RARB: variants seen among roughly 807,000 people sequenced by gnomAD.
RARB encodes the protein HBV-activated protein.
In RARB, 17 loss-of-function variants were observed where a neutral mutation model predicts 51.9. The ratio of observed to expected loss-of-function variants is 0.33; its 90% CI spans 0.22 to 0.49. The LOEUF is 0.49. RARB is among the 20% of genes least tolerant of loss of function. The probability of loss-of-function intolerance (pLI) is 0.99; values close to 1 mark genes in which losing one functional copy is unlikely to be tolerated. For synonymous variants in RARB, 215 were observed against 195.4 expected (o/e 1.10, Z -0.84); for missense variants, 369 against 550.8 (o/e 0.67, Z 3.30).
chr3:24,932,786 T>C (rs943607691), intron 2 of RARB, among the ~76,000 whole-genome samples: 2 of 152,148 alleles, frequency 1.3e-5, no homozygotes, highest in Non-Finnish European at 2.9e-5. Context: ...CGTGGGATTG[T>C]ATCCTAATTG....
At chr3:25,083,370 A>G (rs535533059) in intron 3 of RARB, among the ~76,000 whole-genome samples, 1 of 152,104 alleles carries the variant, frequency 6.6e-6, no homozygotes, top group Non-Finnish European at 1.5e-5. Context: ...TTGATTTTAG[A>G]TAGCTTCCTG....
chr3:25,510,131 T>A (rs1373853192), intron 3 of RARB, among the ~76,000 whole-genome samples: 1 of 152,228 alleles, frequency 6.6e-6, no homozygotes, highest in Non-Finnish European at 1.5e-5. Context: ...AATCATATTC[T>A]GATTCAGTTT....
chr3:25,186,736 A>G (rs569244872), intron 5 of RARB, among the ~76,000 whole-genome samples: 1 of 152,156 alleles, frequency 6.6e-6, no homozygotes, highest in African/African-American at 2.4e-5. Flanking sequence ...AAAAGAAATG[A>G]TTTTTTTCCT....
chr3:24,985,701 C>T (rs552663984), intron 2 of RARB, among the ~76,000 whole-genome samples: 1 of 152,114 alleles, frequency 6.6e-6, no homozygotes, highest in Non-Finnish European at 1.5e-5. Context: ...AAATTTTGTT[C>T]ATTTTTTTTC....
At chr3:25,434,860 A>G (rs1016681363) in intron 1 of RARB, among the ~76,000 whole-genome samples, 2 of 152,058 alleles carry the variant, frequency 1.3e-5, no homozygotes, top group African/African-American at 4.8e-5. Flanking sequence ...TTTTGAAAGT[A>G]CAAAGTTCCC....
intron 5 of RARB, among the ~76,000 whole-genome samples, chr3:25,273,149 G>C (rs1703293168): frequency 6.6e-6 from 1 of 152,268 alleles, no homozygotes; most frequent in Non-Finnish European, 1.5e-5. Context: ...TAAACACTGA[G>C]TTTAGAGTCC....
At chr3:25,469,359 A>T (rs534081191) in intron 2 of RARB, among the ~76,000 whole-genome samples, 5 of 152,308 alleles carry the variant, frequency 3.3e-5, no homozygotes, top group East Asian at 1.9e-4. Context: ...CATGAACATG[A>T]TGCTGTCTTT....
intron 2 of RARB, among the ~76,000 whole-genome samples, chr3:25,494,253 G>GCACGCGCGTGCACTCACACACACACA (rs1553623182): frequency 7.6e-6 from 1 of 131,852 alleles, no homozygotes; most frequent in Non-Finnish European, 1.8e-5. Context: ...TGTATCTTAC[G>GCACGCGCGTGCACTCACACACACACA]CACACACACA....
At chr3:24,878,372 T>A (rs916425339) in intron 2 of RARB, among the ~76,000 whole-genome samples, 1 of 152,004 alleles carries the variant, frequency 6.6e-6, no homozygotes, top group Non-Finnish European at 1.5e-5. Flanking sequence ...ATTTTTTTTT[T>A]CCCTGCTTGT....
At chr3:25,322,800 A>G (rs1213449218) in intron 5 of RARB, among the ~76,000 whole-genome samples, 1 of 152,226 alleles carries the variant, frequency 6.6e-6, no homozygotes, top group Non-Finnish European at 1.5e-5. Context: ...ACATAAGCAC[A>G]GATACCCAAA....
At chr3:25,547,813 G>A (rs1184230180) in intron 3 of RARB, among the ~76,000 whole-genome samples, 1 of 152,124 alleles carries the variant, frequency 6.6e-6, no homozygotes. Context: ...ATGGAAAAAA[G>A]GGTAAATTAA....
rs7647545 is a variant in RARB, at chr3:25,453,167, T to G, written c.158-8026T>G. The stretch of plus-strand genomic sequence containing the variant: ...TGTTAGGGTGTCTCAGACATCAATG[T>G]GCGTAAAAATGATCAAGGGGTCTTG... On this transcript the variant is annotated intron_variant, in intron 1 of 7. Transcript: ENST00000330688. 8.7e-3 allele frequency among the ~76,000 whole-genome samples: 1,314 copies of G among 151,732 alleles called. 18 individuals are homozygous for G. Among genetic ancestry groups the G allele is most frequent in the African/African-American group, 0.03 (1,244 of 41,344 alleles).
intron 3 of RARB, among the ~76,000 whole-genome samples, chr3:25,504,782 TTTTTTTTTTG>T (rs1697494035): frequency 6.7e-6 from 1 of 148,170 alleles, no homozygotes. Flanking sequence ...TTTTTTTTTT[TTTTTTTTTTG>T]TGTCACCCAG....
intron 2 of RARB, among the ~76,000 whole-genome samples, chr3:25,007,517 C>T (rs1434915596): frequency 3.5e-5 from 5 of 143,464 alleles, no homozygotes; most frequent in Admixed American, 7.5e-5. Context: ...ATCCCAGCTA[C>T]CTGGGAGGCA....
intron 3 of RARB, among the ~76,000 whole-genome samples, chr3:25,075,934 A>T (rs147383192): frequency 2.0e-4 from 31 of 152,070 alleles, no homozygotes; most frequent in African/African-American, 7.3e-4. Context: ...TGTTTGTGCC[A>T]TTAGATGTCT....
At chr3:25,108,771 A>G (rs536365302) in intron 3 of RARB, among the ~76,000 whole-genome samples, 63 of 152,206 alleles carry the variant, frequency 4.1e-4, no homozygotes, top group Non-Finnish European at 9.0e-4. Flanking sequence ...TAAAATTAAA[A>G]CTAAATATGA....
At chr3:25,146,225 GTTA>G (rs1180494840) in intron 4 of RARB, among the ~76,000 whole-genome samples, 2 of 152,126 alleles carry the variant, frequency 1.3e-5, no homozygotes, top group Non-Finnish European at 2.9e-5. Context: ...ATCAGTCATT[GTTA>G]TTATTTATCA....
intron 4 of RARB, among the ~76,000 whole-genome samples, chr3:25,165,558 C>T (rs990657005): frequency 7.2e-5 from 11 of 152,054 alleles, no homozygotes; most frequent in East Asian, 1.9e-4. Flanking sequence ...GCCAGTCATT[C>T]GCTTGGCTTG....
At position 24,996,232 on chromosome 3, in the gene RARB, A is replaced by G. The variant is rs556684008; in HGVS notation, c.-379-63893A>G. On this transcript the variant is annotated intron_variant, in intron 2 of 11. Transcript: ENST00000383772. ...CTTATTTATTTCCTCTAGTTTTTCCAATTTAATGGCCTATAGTTGTTTATA... is the reference window on the plus strand; with the variant it reads ...CTTATTTATTTCCTCTAGTTTTTCCGATTTAATGGCCTATAGTTGTTTATA... Among the ~76,000 whole-genome samples the G allele has an allele frequency of 1.3e-3, 198 of 152,112 alleles. 1 individual carries two copies. The highest frequency in any genetic ancestry group is 4.3e-3 in the African/African-American group (180 of 41,550).
Sources: gnomAD v4.1 joint callset for allele counts (sites outside exome capture counted in the v4.1 genomes callset) on GRCh38, gnomAD v4.1.1 for gene constraint, MANE v1.5 for transcripts, NCBI Gene and HGNC (gene_info 2026-07-23, HGNC 2026-07-21) for gene names.